The following BTBD1 variants were observed in gnomAD, a reference collection of about 807,000 sequenced individuals.
The protein encoded by BTBD1 is BTB/POZ domain-containing protein 1.
In BTBD1, 34 loss-of-function variants were observed where a neutral mutation model predicts 48.0. The observed-to-expected ratio is 0.71, with a 90% CI of 0.54 to 0.94. The LOEUF (loss-of-function observed/expected upper bound fraction) is 0.94. BTBD1 is among the 40% of genes least tolerant of loss of function. The pLI is 0.00. For missense variants in BTBD1, 543 were observed against 625.6 expected (o/e 0.87, Z 1.41); for synonymous variants, 261 against 242.1 (o/e 1.08, Z -0.72).
At chr15:83,039,174 A>G (rs2032689940) in intron 4 of BTBD1, among the ~76,000 whole-genome samples, 1 of 152,124 alleles carries the variant, frequency 6.6e-6, no homozygotes, top group African/African-American at 2.4e-5. Context: ...GGGAATTTTA[A>G]CAATTCAATA....
chr15:83,018,688 C>T lies in BTBD1; in HGVS notation c.1290+19G>A. On this transcript the variant is annotated intron_variant, in intron 7 of 7. Transcript: ENST00000261721. ...ACATTCAAGAGGAAACCATCTGGAA[C>T]ATAGTGCATGACTCTTACTTTGAGT... is the stretch of plus-strand genomic sequence containing the variant. 1 of 1,611,048 alleles carries T rather than the reference C, an allele frequency of 6.2e-7. No individual in the cohort carries two copies. Among genetic ancestry groups the T allele is most frequent in the Non-Finnish European group, 8.5e-7 (1 of 1,178,716 alleles).
chr15:83,056,249 T>G, intron 2 of BTBD1, 140 bp downstream of exon 2: 1 of 575,942 alleles, frequency 1.7e-6, no homozygotes, highest in Non-Finnish European at 2.9e-6. Context: ...TCTGACATGT[T>G]TCCCTGATTT....
At position 83,066,789 on chromosome 15, in the gene BTBD1, C is replaced by G. The variant is rs1337050769; in HGVS notation, c.363G>C (p.Leu121=). ...GGAAGGCTGCGGGCTCCACGTCCGG[C>G]AGCTCGATCTCGGCCGACGTGGTGG... ...GMATTSAEIE[L]PDVEPAAFLA... is the part of the protein sequence containing the mutation. Residue 121 remains leucine, a synonymous_variant, in exon 1 of 8, where the codon CTG becomes CTC. Transcript: ENST00000261721. 5 of 1,435,852 alleles carry G rather than the reference C, an allele frequency of 3.5e-6. No individual in the cohort carries two copies. The Admixed American group carries it at 1.2e-4, about 35-fold the overall frequency. The allele number at this position is 1,435,852 out of a possible 1,614,324, so 88.9% of individuals were successfully genotyped here. A position where few individuals can be genotyped will look rare whatever the true frequency, so the allele number is the denominator to read the frequency against.
rs1885266096 is a variant in BTBD1, at chr15:83,018,160, G to C, written c.1356C>G (p.Ser452Arg). The C allele has an allele frequency of 6.2e-7, 1 of 1,612,610 alleles. No individual in the cohort carries two copies. Among genetic ancestry groups the C allele is most frequent in the Non-Finnish European group, 8.5e-7 (1 of 1,179,372 alleles). Residue 452 changes from serine to arginine, a missense_variant, in exon 8 of 8, where the codon AGC becomes AGG. By Grantham distance (110) the Ser-to-Arg change is moderately radical. Around this residue, in one of 3 missense-constraint regions of BTBD1, gnomAD observed 300 missense variants for 350.0 expected, o/e 0.86. Coordinates refer to ENST00000261721, the MANE Select transcript of BTBD1 (RefSeq NM_025238.4). ...KKVVHETPAA[S>R]KTVFFFFSSP... ...AACTAAAAAAGAAAAAAACAGTCTT[G>C]CTTGCAGCAGGTGTCTCATGCACTA...
intron 5 of BTBD1, among the ~76,000 whole-genome samples, chr15:83,027,970 TTTATA>T (rs1218029317): frequency 1.3e-5 from 2 of 152,200 alleles, no homozygotes; most frequent in Non-Finnish European, 2.9e-5. Flanking sequence ...TTTATTCCCC[TTTATA>T]TTATAACTAG....
chr15:83,027,153 G>A (rs1306889843), intron 5 of BTBD1, among the ~76,000 whole-genome samples: 1 of 152,106 alleles, frequency 6.6e-6, no homozygotes, highest in Non-Finnish European at 1.5e-5. Context: ...AGGAGTTCGG[G>A]ACCAGCCTGG....
At chr15:83,049,964 A>G (rs944832485) in intron 3 of BTBD1, 109 bp downstream of exon 3, 1 of 613,724 alleles carries the variant, frequency 1.6e-6, no homozygotes, top group Non-Finnish European at 2.8e-6. Context: ...AGAGACTTCA[A>G]TCATTTGGGA....
At chr15:83,022,347 G>A (rs1190708645) in intron 5 of BTBD1, 1 of 151,414 alleles carries the variant, frequency 6.6e-6, no homozygotes, top group Non-Finnish European at 1.5e-5. Context: ...TACCACTCCT[G>A]GCTCTAAAAT....
Position 83,050,198 on chromosome 15 carries a change from G to T in BTBD1, c.559-20C>A. On this transcript the variant is annotated intron_variant, in intron 2 of 7. Transcript: ENST00000261721. ...TCGAGCCTAAACATATAAAGAGATA[G>T]TTATTTAACTTTCATAGTTATTTTA... The T allele has an allele frequency of 1.3e-6, 2 of 1,509,064 alleles. No individual in the cohort carries two copies. Among genetic ancestry groups the T allele is most frequent in the Non-Finnish European group, 9.2e-7 (1 of 1,090,296 alleles). 93.5% of individuals were successfully genotyped at this position (1,509,064 alleles called of 1,614,324 possible).
intron 4 of BTBD1, among the ~76,000 whole-genome samples, chr15:83,034,274 T>C (rs2032584183): frequency 6.6e-6 from 1 of 152,034 alleles, no homozygotes; most frequent in Admixed American, 6.6e-5. Context: ...ATGAGAAAGA[T>C]ATAGAATTTA....
chr15:83,050,102 C>T lies in BTBD1; in HGVS notation c.635G>A (p.Ser212Asn), dbSNP rs2032949870. 1.2e-6 allele frequency: 2 copies of T among 1,612,826 alleles called. No individual in the cohort carries two copies. Among genetic ancestry groups the T allele is most frequent in the Non-Finnish European group, 8.5e-7 (1 of 1,179,214 alleles). The part of the protein sequence containing the change: ...TIDKSTMDAI[S>N]AEGFTDIDID... ...ATCAATATCAGTAAACCCTTCTGCA[C>T]TTATTGCATCCATTGTGCTTTTGTC... Residue 212 changes from serine to asparagine, a missense_variant, in exon 3 of 8, where the codon AGT becomes AAT. Transcript: ENST00000261721.
At chr15:83,049,468 A>T (rs2032937473) in intron 3 of BTBD1, among the ~76,000 whole-genome samples, 1 of 152,134 alleles carries the variant, frequency 6.6e-6, no homozygotes, top group African/African-American at 2.4e-5. Flanking sequence ...CTCTGTCAAA[A>T]TTTTCCTAAC....
chr15:83,020,770 A>AT lies in BTBD1; in HGVS notation c.1056-9_1056-8insA. On this transcript the variant is annotated splice_polypyrimidine_tract_variant and intron_variant, in intron 5 of 7. Transcript: ENST00000261721. ...CTTCTATTAACTGTGAATCTGAGAG[A>AT]AAGAAGCCAAAAATAAAATATAATT... The AT allele has an allele frequency of 1.3e-6, 2 of 1,519,848 alleles. No homozygotes were observed. The highest frequency in any genetic ancestry group is 1.8e-6 in the Non-Finnish European group (2 of 1,098,976). The allele number at this position is 1,519,848 out of a possible 1,614,324, so 94.1% of individuals were successfully genotyped here.
intron 1 of BTBD1, 24 bp downstream of exon 1, chr15:83,066,727 G>GGCCCT (rs2033282317): frequency 1.5e-6 from 2 of 1,304,092 alleles, no homozygotes; most frequent in Admixed American, 8.5e-5. Flanking sequence ...GGCCCGGCCC[G>GGCCCT]GCCCGGCCCG....
chr15:83,035,836 A>T (rs2032615478), intron 4 of BTBD1, among the ~76,000 whole-genome samples: 1 of 152,006 alleles, frequency 6.6e-6, no homozygotes, highest in Admixed American at 6.6e-5. Flanking sequence ...CTGGGGGAAA[A>T]AAAGGAAATA....
chr15:83,020,803 T>A, intron 5 of BTBD1, 41 bp from the exon 6 acceptor site: 1 of 1,246,288 alleles, frequency 8.0e-7, no homozygotes, highest in South Asian at 1.2e-5. Flanking sequence ...ATTAATCCCA[T>A]GTGTTCATAT....
intron 1 of BTBD1, among the ~76,000 whole-genome samples, chr15:83,064,587 A>C (rs1172681392): frequency 6.6e-6 from 1 of 152,104 alleles, no homozygotes; most frequent in East Asian, 1.9e-4. Flanking sequence ...AAATTGCCCC[A>C]AAATAGTTTT....
intron 1 of BTBD1, among the ~76,000 whole-genome samples, chr15:83,059,880 C>G (rs1365256454): frequency 6.6e-6 from 1 of 152,260 alleles, no homozygotes; most frequent in Non-Finnish European, 1.5e-5. Context: ...GCCTGAGCCA[C>G]TGTACCCAGC....
In BTBD1 at chr15:83,041,211, A is replaced by T. The variant is rs117554613; in HGVS notation, c.862+517T>A. Among the ~76,000 whole-genome samples the T allele has an allele frequency of 2.5e-4, 38 of 151,816 alleles. No individual in the cohort carries two copies. The East Asian group carries it at 7.3e-3, about 29-fold the overall frequency. On this transcript the variant is annotated intron_variant, in intron 4 of 7. Coordinates refer to ENST00000261721, the MANE Select transcript of BTBD1 (RefSeq NM_025238.4). ...AAAAGATCTGTCATAACCTGGGGTA[A>T]GGCACTCAACCTCTCCCAACTTTAC...
Sources: gnomAD v4.1 joint callset for allele counts (sites outside exome capture counted in the v4.1 genomes callset) on GRCh38, gnomAD v4.1.1 for gene constraint, gnomAD v4.1.1 regional missense constraint, MANE v1.5 for transcripts, NCBI Gene and HGNC (gene_info 2026-07-23, HGNC 2026-07-21) for gene names.